The following CCDC60 variants were observed in gnomAD, a reference collection of about 807,000 sequenced individuals.
CCDC60 encodes coiled-coil domain-containing protein 60.
CCDC60 carries 54 observed loss-of-function variants against 63.5 expected under a neutral mutation model. The observed-to-expected ratio is 0.85, with a 90% CI of 0.68 to 1.07. The LOEUF (loss-of-function observed/expected upper bound fraction) is 1.07. Ranked by LOEUF, CCDC60 falls within the 50% of genes least tolerant of loss-of-function variation. The probability of loss-of-function intolerance (pLI) is 0.00; values close to 1 mark genes in which losing one functional copy is unlikely to be tolerated. For missense variants in CCDC60, 651 were observed against 684.3 expected (o/e 0.95, Z 0.54); for synonymous variants, 206 against 238.8 (o/e 0.86, Z 1.27).
At chr12:119,460,028 T>A (rs1195930390) in intron 2 of CCDC60, among the ~76,000 whole-genome samples, 3 of 152,172 alleles carry the variant, frequency 2.0e-5, no homozygotes, top group Non-Finnish European at 4.4e-5. Flanking sequence ...AGCTCTCACG[T>A]GATGCTGATG....
At chr12:119,368,311 T>G (rs1358466059) in intron 1 of CCDC60, among the ~76,000 whole-genome samples, 2 of 152,102 alleles carry the variant, frequency 1.3e-5, no homozygotes, top group African/African-American at 4.8e-5. Flanking sequence ...GAGCTGCCAT[T>G]TTATAGCTGT....
intron 7 of CCDC60, among the ~76,000 whole-genome samples, chr12:119,514,817 G>A (rs1309985258): frequency 1.3e-5 from 2 of 152,116 alleles, no homozygotes; most frequent in South Asian, 2.1e-4. Flanking sequence ...GACTCACCTA[G>A]AGCAATTTTC....
intron 7 of CCDC60, among the ~76,000 whole-genome samples, chr12:119,507,569 TGTATATATACACATATATATAC>T (rs1174069076): frequency 0.037 from 2,108 of 57,336 alleles, 105 homozygotes; most frequent in South Asian, 0.072. Context: ...TATATATATA[TGTATATATACACATATATATAC>T]ATATATATAT....
At chr12:119,507,485 CACATATAT>C (rs1191428080) in intron 7 of CCDC60, among the ~76,000 whole-genome samples, 1 of 142,258 alleles carries the variant, frequency 7.0e-6, no homozygotes, top group South Asian at 2.2e-4. Flanking sequence ...TACATATATA[CACATATAT>C]ACATATATAC....
At chr12:119,348,602 T>C (rs1000033404) in intron 1 of CCDC60, among the ~76,000 whole-genome samples, 2 of 152,198 alleles carry the variant, frequency 1.3e-5, no homozygotes, top group African/African-American at 4.8e-5. Flanking sequence ...TCACCTGTAA[T>C]AGAATCTCGT....
At chr12:119,359,150 A>G (rs930244961) in intron 1 of CCDC60, among the ~76,000 whole-genome samples, 19 of 152,212 alleles carry the variant, frequency 1.2e-4, no homozygotes, top group Admixed American at 7.9e-4. Flanking sequence ...GGTGCTTAGT[A>G]GTATCATATT....
intron 2 of CCDC60, among the ~76,000 whole-genome samples, chr12:119,453,772 G>A (rs1950676395): frequency 1.3e-5 from 2 of 151,958 alleles, no homozygotes; most frequent in Non-Finnish European, 2.9e-5. Flanking sequence ...AGAAGAAGAA[G>A]AAAGAAGAAT....
At chr12:119,439,809 A>G (rs1357124451) in intron 2 of CCDC60, among the ~76,000 whole-genome samples, 1 of 152,214 alleles carries the variant, frequency 6.6e-6, no homozygotes, top group Non-Finnish European at 1.5e-5. Flanking sequence ...CTACTTAAAT[A>G]TAGGTAGTCC....
At chr12:119,440,073 G>A (rs1950411787) in intron 2 of CCDC60, among the ~76,000 whole-genome samples, 1 of 151,702 alleles carries the variant, frequency 6.6e-6, no homozygotes, top group Admixed American at 6.6e-5. Context: ...GGGGTGGGGG[G>A]CCGGGGATGG....
chr12:119,526,377 C>A (rs1357731020), intron 11 of CCDC60, among the ~76,000 whole-genome samples: 1 of 152,158 alleles, frequency 6.6e-6, no homozygotes, highest in East Asian at 1.9e-4. Flanking sequence ...ACAAAGACAC[C>A]AAAAGCAATT....
Position 119,536,555 on chromosome 12 carries a change from G to C in CCDC60, c.1552-4059G>C, listed in dbSNP as rs559695400. ...CATGTTTTTGCAGTGGCTGGTACCG[G>C]TTGTTCCTTTTTATGTTTAGTGCTT... On this transcript the variant is annotated intron_variant, in intron 13 of 13. Transcript: ENST00000327554. 3.9e-4 allele frequency among the ~76,000 whole-genome samples: 60 copies of C among 152,280 alleles called. No homozygotes were observed. In the South Asian group the frequency reaches 5.6e-3, roughly 14 times the overall value.
chr12:119,343,694 A>ATATATATAT, intron 1 of CCDC60, among the ~76,000 whole-genome samples: 3 of 150,544 alleles, frequency 2.0e-5, no homozygotes, highest in African/African-American at 7.3e-5. Context: ...ATGTATATAT[A>ATATATATAT]AGCTTGAGGT....
intron 1 of CCDC60, among the ~76,000 whole-genome samples, chr12:119,335,692 G>T (rs1955463560): frequency 2.0e-5 from 3 of 152,064 alleles, no homozygotes; most frequent in Admixed American, 2.0e-4. Context: ...GTAGATTCTG[G>T]ATATTAGCTT....
At chr12:119,364,328 C>T (rs1277747151) in intron 1 of CCDC60, among the ~76,000 whole-genome samples, 1 of 152,170 alleles carries the variant, frequency 6.6e-6, no homozygotes, top group Non-Finnish European at 1.5e-5. Context: ...AGATATAGAG[C>T]ATTTTTATAG....
chr12:119,496,874 C>T (rs913029212), intron 5 of CCDC60, among the ~76,000 whole-genome samples: 1 of 152,168 alleles, frequency 6.6e-6, no homozygotes, highest in Non-Finnish European at 1.5e-5. Flanking sequence ...CCCGAGGTCA[C>T]ACAGACAGTA....
At chr12:119,531,156 A>G (rs919582021) in intron 13 of CCDC60, 93 bp downstream of exon 13, 1 of 1,107,538 alleles carries the variant, frequency 9.0e-7, no homozygotes, top group Non-Finnish European at 1.3e-6. Flanking sequence ...CTGGGGACAC[A>G]AAGTCCCCTG....
chr12:119,368,534 C>A (rs1384956873), intron 1 of CCDC60, among the ~76,000 whole-genome samples: 2 of 152,082 alleles, frequency 1.3e-5, no homozygotes, highest in Non-Finnish European at 2.9e-5. Context: ...GTACTCTCGG[C>A]CTCACAATAA....
At chr12:119,468,284 G>A (rs575905981) in intron 2 of CCDC60, among the ~76,000 whole-genome samples, 18 of 151,846 alleles carry the variant, frequency 1.2e-4, no homozygotes, top group Non-Finnish European at 2.1e-4. Context: ...AGAGCAAGAC[G>A]CTGTCTTAAA....
chr12:119,348,417 A>G (rs1955619576), intron 1 of CCDC60, among the ~76,000 whole-genome samples: 1 of 152,142 alleles, frequency 6.6e-6, no homozygotes, highest in East Asian at 1.9e-4. Context: ...CAGGATTTAA[A>G]TTGCCTCAGT....
Sources: allele counts gnomAD v4.1 joint callset (sites outside exome capture counted in the v4.1 genomes callset), GRCh38; gene constraint gnomAD v4.1.1; transcripts MANE v1.5; gene names NCBI Gene and HGNC (gene_info 2026-07-23, HGNC 2026-07-21).